PTER: variants seen among roughly 807,000 people sequenced by gnomAD.
PTER encodes the protein N-acetyltaurine hydrolase.
PTER carries 38 observed loss-of-function variants against 29.6 expected under a neutral mutation model. The observed-to-expected ratio is 1.28, with a 90% CI of 0.99 to 1.68. The LOEUF is 1.68. Among genes scored for constraint, PTER ranks in the 40% most tolerant of loss-of-function variants. The probability of loss-of-function intolerance (pLI) is 0.00; values close to 1 mark genes in which losing one functional copy is unlikely to be tolerated. For synonymous variants in PTER, 172 were observed against 154.5 expected (o/e 1.11, Z -0.84); for missense variants, 482 against 427.8 (o/e 1.13, Z -1.12).
chr10:16,489,429 T>C lies in PTER; in HGVS notation c.698+2812T>C, dbSNP rs1835817165. On this transcript the variant is annotated intron_variant, in intron 3 of 4. Transcript: ENST00000535784. ...GTTTTACTCTGATATAGTTTACTAGTTCTTCTGGCTGTCATTGATAGGAGG... is the reference window on the plus strand; with the variant it reads ...GTTTTACTCTGATATAGTTTACTAGCTCTTCTGGCTGTCATTGATAGGAGG... Among the ~76,000 whole-genome samples, 3 of 152,196 alleles carry C rather than the reference T, an allele frequency of 2.0e-5. No individual in the cohort carries two copies. In the South Asian group the frequency reaches 6.2e-4, roughly 32 times the overall value.
intron 1 of PTER, among the ~76,000 whole-genome samples, chr10:16,458,413 G>A (rs2133386813): frequency 6.6e-6 from 1 of 152,296 alleles, no homozygotes; most frequent in African/African-American, 2.4e-5. Flanking sequence ...ATATTATAGT[G>A]ATGGGCGATT....
intron 1 of PTER, among the ~76,000 whole-genome samples, chr10:16,480,359 C>G (rs1372635287): frequency 6.6e-6 from 1 of 151,716 alleles, no homozygotes; most frequent in Non-Finnish European, 1.5e-5. Flanking sequence ...CCAGGCCCAG[C>G]TAATTTTTGT....
intron 1 of PTER, among the ~76,000 whole-genome samples, chr10:16,454,684 C>T (rs948274936): frequency 4.5e-5 from 4 of 88,334 alleles, no homozygotes; most frequent in African/African-American, 2.8e-4. Context: ...TAAGCAATGT[C>T]AAGACATATA....
chr10:16,482,452 G>A (rs1306837178), intron 1 of PTER, among the ~76,000 whole-genome samples: 2 of 152,096 alleles, frequency 1.3e-5, no homozygotes, highest in Non-Finnish European at 1.5e-5. Context: ...TGTTGAATAT[G>A]GTCTGCGTGC....
At chr10:16,498,336 C>A (rs1385501195) in intron 3 of PTER, among the ~76,000 whole-genome samples, 1 of 152,164 alleles carries the variant, frequency 6.6e-6, no homozygotes, top group African/African-American at 2.4e-5. Flanking sequence ...CTTTGGGAGG[C>A]CAAGGCAGGC....
At chr10:16,491,598 A>C (rs537266914) in intron 3 of PTER, among the ~76,000 whole-genome samples, 1 of 152,336 alleles carries the variant, frequency 6.6e-6, no homozygotes, top group South Asian at 2.1e-4. Context: ...AGGCCTCCAA[A>C]AAATAAAAAC....
intron 1 of PTER, among the ~76,000 whole-genome samples, chr10:16,444,489 G>T: frequency 6.7e-6 from 1 of 150,016 alleles, no homozygotes. Context: ...TCGTGCTTTT[G>T]TCTTCACTGG....
intron 3 of PTER, among the ~76,000 whole-genome samples, chr10:16,503,606 A>G (rs775014246): frequency 1.3e-5 from 2 of 151,992 alleles, no homozygotes; most frequent in Admixed American, 6.5e-5. Context: ...GGGTTTCGCC[A>G]TGTTGGCCAA....
At chr10:16,475,482 C>T (rs1381083986) in intron 1 of PTER, among the ~76,000 whole-genome samples, 2 of 152,148 alleles carry the variant, frequency 1.3e-5, no homozygotes, top group African/African-American at 2.4e-5. Context: ...CATTGCAACT[C>T]GGGGTTTTGC....
chr10:16,514,205 C>CAT (rs34471233), downstream of PTER: 109,334 of 416,232 alleles, frequency 0.26, 15,324 homozygotes, highest in Middle Eastern at 0.34. Context: ...ACCAAAGTAT[C>CAT]ATATATATAG....
intron 1 of PTER, among the ~76,000 whole-genome samples, chr10:16,460,178 G>C (rs1834561045): frequency 6.6e-6 from 1 of 152,222 alleles, no homozygotes; most frequent in Non-Finnish European, 1.5e-5. Flanking sequence ...GTGTCATTCA[G>C]TGAACAGTGG....
intron 3 of PTER, among the ~76,000 whole-genome samples, chr10:16,501,883 G>A (rs563768910): frequency 6.6e-6 from 1 of 152,290 alleles, no homozygotes; most frequent in African/African-American, 2.4e-5. Flanking sequence ...CTGGGATCAT[G>A]GAGGGTATTA....
chr10:16,477,157 GCCTCCCAGAGTGC>G (rs1835299293), intron 1 of PTER, among the ~76,000 whole-genome samples: 1 of 152,094 alleles, frequency 6.6e-6, no homozygotes, highest in Non-Finnish European at 1.5e-5. Context: ...GCCTGCCTTG[GCCTCCCAGAGTGC>G]TGGGATTACA....
chr10:16,503,960 G>A (rs986575697), intron 3 of PTER, among the ~76,000 whole-genome samples: 1 of 152,182 alleles, frequency 6.6e-6, no homozygotes, highest in Non-Finnish European at 1.5e-5. Flanking sequence ...TTTCCGATCC[G>A]AAACGATCCC....
chr10:16,462,648 G>A (rs1834659767), intron 1 of PTER, among the ~76,000 whole-genome samples: 1 of 147,860 alleles, frequency 6.8e-6, no homozygotes, highest in Non-Finnish European at 1.5e-5. Context: ...TTAGCGCTCT[G>A]TAGACTCCGG....
At position 16,486,428 on chromosome 10, in the gene PTER, T is replaced by C; in HGVS notation, c.509T>C (p.Ile170Thr). Reference sequence around the variant, plus strand: ...ATCAAGTGTGGCATTATTGGAGAAATTGGTTGCTCCTGGCCTTTGACTGAG... The same window carrying C: ...ATCAAGTGTGGCATTATTGGAGAAACTGGTTGCTCCTGGCCTTTGACTGAG... The part of the protein sequence containing the change: ...TSIKCGIIGE[I>T]GCSWPLTESE... Residue 170 changes from isoleucine to threonine, a missense_variant, in exon 3 of 5, where the codon ATT becomes ACT. Transcript: ENST00000535784. 2 of 1,614,072 alleles carry C rather than the reference T, an allele frequency of 1.2e-6. No individual in the cohort carries two copies. The highest frequency in any genetic ancestry group is 1.7e-6 in the Non-Finnish European group (2 of 1,179,982).
intron 1 of PTER, among the ~76,000 whole-genome samples, chr10:16,462,986 G>T (rs1414680911): frequency 6.6e-6 from 1 of 151,154 alleles, no homozygotes; most frequent in African/African-American, 2.4e-5. Context: ...AAGGTCAGGA[G>T]ATGGAGACCA....
chr10:16,466,200 G>T (rs1243088630), intron 1 of PTER, among the ~76,000 whole-genome samples: 1 of 152,088 alleles, frequency 6.6e-6, no homozygotes, highest in Non-Finnish European at 1.5e-5. Flanking sequence ...CAGGTGTCCA[G>T]GCAGGCAGCA....
intron 3 of PTER, among the ~76,000 whole-genome samples, chr10:16,498,653 G>A (rs1045948436): frequency 5.3e-5 from 8 of 152,286 alleles, no homozygotes; most frequent in Middle Eastern, 3.4e-3. Context: ...AAAACTGGCT[G>A]AGGTTAGCAC....
Sources: gnomAD v4.1 joint callset for allele counts (sites outside exome capture counted in the v4.1 genomes callset) on GRCh38, gnomAD v4.1.1 for gene constraint, MANE v1.5 for transcripts, NCBI Gene and HGNC (gene_info 2026-07-23, HGNC 2026-07-21) for gene names.